Variants in CPE observed in about 807,000 individuals in gnomAD.
The protein encoded by CPE is carboxypeptidase E, also known as carbocypeptidase E.
CPE carries 17 observed loss-of-function variants against 53.5 expected under a neutral mutation model. The ratio of observed to expected loss-of-function variants is 0.32; its 90% CI spans 0.22 to 0.48. The LOEUF (loss-of-function observed/expected upper bound fraction) is 0.48. Among genes scored for constraint, CPE ranks in the 20% least tolerant of loss-of-function variants. The probability of loss-of-function intolerance (pLI) is 0.99; values close to 1 mark genes in which losing one functional copy is unlikely to be tolerated. For missense variants in CPE, 524 were observed against 614.7 expected, an observed-to-expected ratio of 0.85 and a Z score of 1.56; for synonymous variants, 226 against 228.8, an observed-to-expected ratio of 0.99 and a Z score of 0.11.
chr4:165,398,177 T>C (rs1323492222), intron 1 of CPE, among the ~76,000 whole-genome samples: 4 of 151,594 alleles, frequency 2.6e-5, no homozygotes, highest in Non-Finnish European at 5.9e-5. Flanking sequence ...TTAATTATTC[T>C]AATTAATACA....
chr4:165,379,210 C>T lies in CPE; in HGVS notation c.-12C>T. On this transcript the variant is annotated 5_prime_UTR_variant, in exon 1 of 9. Transcript: ENST00000402744. The surrounding 1 kb of genome is among the most constrained non-coding windows in gnomAD (Gnocchi z 6.0). ...CGTAGGAAGGCACGGCCGGCGGCGG[C>T]GGAGCGCAGCGATGGCCGGGCGAGG... The T allele has an allele frequency of 8.2e-7, 1 of 1,225,132 alleles. No individual in the cohort carries two copies. The highest frequency in any genetic ancestry group is 3.3e-5 in the East Asian group (1 of 30,514). The allele number at this position is 1,225,132 out of a possible 1,614,324, so 75.9% of individuals were successfully genotyped here.
At chr4:165,428,054 A>G (rs1731351663) in intron 1 of CPE, among the ~76,000 whole-genome samples, 1 of 151,510 alleles carries the variant, frequency 6.6e-6, no homozygotes, top group Non-Finnish European at 1.5e-5. Context: ...TTTATAGACA[A>G]GCTTTTGCTC....
At chr4:165,428,803 C>A (rs772554588) in intron 1 of CPE, among the ~76,000 whole-genome samples, 7 of 152,200 alleles carry the variant, frequency 4.6e-5, no homozygotes, top group Non-Finnish European at 1.0e-4. Context: ...TGCTTGTAAT[C>A]TCCCTCTTAC....
In CPE at chr4:165,403,350, A is replaced by G. The variant is rs186012006; in HGVS notation, c.307+23822A>G. 2.4e-3 allele frequency among the ~76,000 whole-genome samples: 364 copies of G among 152,340 alleles called. 2 individuals are homozygous for G. The highest frequency in any genetic ancestry group is 8.0e-3 in the African/African-American group (333 of 41,580). ...AAAAAAAAATCATATTCTTGAGGCC[A>G]TGAAACACATGTTCCAGAAAACAGT... On this transcript the variant is annotated intron_variant, in intron 1 of 8. Transcript: ENST00000402744.
intron 1 of CPE, among the ~76,000 whole-genome samples, chr4:165,415,424 A>C (rs1162946972): frequency 6.6e-6 from 1 of 152,142 alleles, no homozygotes; most frequent in East Asian, 1.9e-4. Flanking sequence ...TGCTCAGAGG[A>C]GCTGTCACCA....
At chr4:165,399,152 T>C (rs988113720) in intron 1 of CPE, among the ~76,000 whole-genome samples, 6 of 152,226 alleles carry the variant, frequency 3.9e-5, no homozygotes, top group Non-Finnish European at 8.8e-5. Context: ...ACATTATATG[T>C]TCATAAACCA....
In CPE at chr4:165,410,547, T is replaced by C. The variant is rs368542653; in HGVS notation, c.307+31019T>C. On this transcript the variant is annotated intron_variant, in intron 1 of 8. Coordinates refer to ENST00000402744, the MANE Select transcript of CPE (RefSeq NM_001873.4). Reference sequence around the variant, plus strand: ...AGAAGGTGCTGAAGTAGAAATTTAGTAATACTTGATTTAAGAGGCAGAAGT... The same window carrying C: ...AGAAGGTGCTGAAGTAGAAATTTAGCAATACTTGATTTAAGAGGCAGAAGT... Among the ~76,000 whole-genome samples, 90 of 152,292 alleles carry C rather than the reference T, an allele frequency of 5.9e-4. No individual in the cohort carries two copies. In the South Asian group the frequency reaches 0.018, roughly 30 times the overall value.
chr4:165,452,692 C>T (rs1349431449), intron 1 of CPE, among the ~76,000 whole-genome samples: 1 of 152,122 alleles, frequency 6.6e-6, no homozygotes. Context: ...CCTAACTCAG[C>T]CTGTACCTTC....
chr4:165,399,608 G>A (rs1172238826), intron 1 of CPE, among the ~76,000 whole-genome samples: 1 of 152,158 alleles, frequency 6.6e-6, no homozygotes, highest in Non-Finnish European at 1.5e-5. Flanking sequence ...TTGACCTCAG[G>A]TGATCCACAT....
At chr4:165,433,845 T>A (rs765948047) in intron 1 of CPE, among the ~76,000 whole-genome samples, 2 of 152,218 alleles carry the variant, frequency 1.3e-5, no homozygotes, top group African/African-American at 2.4e-5. Context: ...CTCAAGGACA[T>A]GCATTCACAA....
chr4:165,479,882 C>T (rs1388566941), intron 3 of CPE, among the ~76,000 whole-genome samples: 2 of 151,592 alleles, frequency 1.3e-5, no homozygotes, highest in African/African-American at 4.9e-5. Context: ...GTCCCAGCTA[C>T]GCGGGAGGCG....
At chr4:165,427,952 G>T (rs775110273) in intron 1 of CPE, among the ~76,000 whole-genome samples, 53 of 152,090 alleles carry the variant, frequency 3.5e-4, no homozygotes, top group Non-Finnish European at 7.1e-4. Context: ...GAGTGAAATG[G>T]ACACTATCTT....
chr4:165,468,757 C>G (rs1397751984), intron 3 of CPE, among the ~76,000 whole-genome samples: 2 of 152,202 alleles, frequency 1.3e-5, no homozygotes. Context: ...CCTCTCCCAA[C>G]TCTATTCTAT....
At chr4:165,408,617 G>A (rs143806318) in intron 1 of CPE, among the ~76,000 whole-genome samples, 20 of 152,346 alleles carry the variant, frequency 1.3e-4, no homozygotes, top group East Asian at 3.9e-4. Context: ...TTTTGAGCCT[G>A]CGTCAGAATC....
At chr4:165,410,466 G>A (rs1731024804) in intron 1 of CPE, among the ~76,000 whole-genome samples, 1 of 152,156 alleles carries the variant, frequency 6.6e-6, no homozygotes, top group Admixed American at 6.6e-5. Context: ...CTCTGCCAAA[G>A]ACCTAGCTAT....
intron 1 of CPE, among the ~76,000 whole-genome samples, chr4:165,463,905 A>G (rs1488144613): frequency 6.6e-6 from 1 of 152,224 alleles, no homozygotes; most frequent in Admixed American, 6.5e-5. Flanking sequence ...TAATTTTCTC[A>G]CAGGCCTGGA....
At chr4:165,459,155 A>G (rs1230775238) in intron 1 of CPE, among the ~76,000 whole-genome samples, 6 of 152,210 alleles carry the variant, frequency 3.9e-5, no homozygotes, top group Non-Finnish European at 7.3e-5. Flanking sequence ...TTACTGATTT[A>G]GTTATTTCAA....
chr4:165,386,644 G>A (rs571440772), intron 1 of CPE, among the ~76,000 whole-genome samples: 246 of 152,256 alleles, frequency 1.6e-3, no homozygotes, highest in African/African-American at 5.6e-3. Flanking sequence ...TGCTGTGTTT[G>A]TTGTCTCATA....
At chr4:165,398,235 A>G (rs961399663) in intron 1 of CPE, among the ~76,000 whole-genome samples, 3 of 152,092 alleles carry the variant, frequency 2.0e-5, no homozygotes, top group Admixed American at 6.6e-5. Context: ...TAATATTAGT[A>G]AAAGATTGAT....
Sources: allele counts gnomAD v4.1 joint callset (sites outside exome capture counted in the v4.1 genomes callset), GRCh38; gene constraint gnomAD v4.1.1; non-coding constraint Gnocchi (gnomAD v3.1); transcripts MANE v1.5; gene names NCBI Gene and HGNC (gene_info 2026-07-23, HGNC 2026-07-21).